The following CNTNAP2 variants were observed in gnomAD, a reference collection of about 807,000 sequenced individuals.
CNTNAP2 encodes contactin associated protein 2, also known as contactin-associated protein-like 2.
CNTNAP2 carries 98 observed loss-of-function variants against 155.2 expected under a neutral mutation model. The observed-to-expected ratio is 0.63, with a 90% CI of 0.54 to 0.75. The LOEUF (loss-of-function observed/expected upper bound fraction) is 0.75, where lower values mean the gene tolerates loss of function less well. CNTNAP2 is among the 30% of genes least tolerant of loss of function. The pLI, the probability that CNTNAP2 is intolerant of heterozygous loss-of-function variation, is 0.00. For synonymous variants in CNTNAP2, 651 were observed against 631.2 expected (o/e 1.03, Z -0.47); for missense variants, 1,727 against 1,688.1 (o/e 1.02, Z -0.40).
At chr7:148,326,489 G>A (rs1230362087) in intron 21 of CNTNAP2, among the ~76,000 whole-genome samples, 1 of 152,076 alleles carries the variant, frequency 6.6e-6, no homozygotes. Flanking sequence ...CCATGATTCT[G>A]GACCAAACTA....
In CNTNAP2 at chr7:146,750,325, G is replaced by A. The variant is rs374412949; in HGVS notation, c.98-23946G>A. On this transcript the variant is annotated intron_variant, in intron 1 of 23. Coordinates refer to ENST00000361727, the MANE Select transcript of CNTNAP2 (RefSeq NM_014141.6). ...TTGGAATTAGAGATTGAATGATCTC[G>A]GACATCTTGATAATCTCTCCTCTCT... Among the ~76,000 whole-genome samples, 9 of 152,066 alleles carry A rather than the reference G, an allele frequency of 5.9e-5. No individual in the cohort carries two copies. In the East Asian group the frequency reaches 1.4e-3, roughly 23 times the overall value.
intron 11 of CNTNAP2, among the ~76,000 whole-genome samples, chr7:147,552,258 T>C (rs980575466): frequency 2.6e-5 from 4 of 152,210 alleles, no homozygotes; most frequent in African/African-American, 9.6e-5. Context: ...TTTTCAAATT[T>C]TGAAGCTCAC....
At chr7:146,523,966 C>G (rs886283408) in intron 1 of CNTNAP2, among the ~76,000 whole-genome samples, 1 of 152,062 alleles carries the variant, frequency 6.6e-6, no homozygotes, top group African/African-American at 2.4e-5. Context: ...GATAAAAACT[C>G]TAATCTGAAA....
At chr7:147,427,534 C>T (rs10281923) in intron 10 of CNTNAP2, among the ~76,000 whole-genome samples, 37,650 of 151,964 alleles carry the variant, frequency 0.25, 5,161 homozygotes, top group African/African-American at 0.35. Flanking sequence ...AGGAGGCCCC[C>T]GTCATGGAGA....
At chr7:146,857,420 CGTTT>C (rs374099260) in intron 3 of CNTNAP2, among the ~76,000 whole-genome samples, 2 of 152,098 alleles carry the variant, frequency 1.3e-5, no homozygotes, top group East Asian at 1.9e-4. Flanking sequence ...AGCTTGTATT[CGTTT>C]GTTTGTTTTA....
intron 22 of CNTNAP2, among the ~76,000 whole-genome samples, chr7:148,403,874 T>TA (rs141865373): frequency 0.26 from 40,170 of 152,184 alleles, 5,847 homozygotes; most frequent in Non-Finnish European, 0.33. Flanking sequence ...GTGCTCACAC[T>TA]AAACAAACAA....
chr7:147,954,240 A>G (rs1040085091), intron 14 of CNTNAP2, among the ~76,000 whole-genome samples: 2 of 152,144 alleles, frequency 1.3e-5, no homozygotes, highest in African/African-American at 4.8e-5. Flanking sequence ...GGTGCCTCTC[A>G]CAGAGACCTC....
intron 15 of CNTNAP2, among the ~76,000 whole-genome samples, chr7:148,060,902 A>G (rs997814986): frequency 1.3e-5 from 2 of 152,224 alleles, no homozygotes; most frequent in Non-Finnish European, 2.9e-5. Flanking sequence ...AAGTAACAGC[A>G]AGTGAAATAA....
intron 23 of CNTNAP2, among the ~76,000 whole-genome samples, chr7:148,409,688 G>A (rs575558130): frequency 1.9e-4 from 28 of 151,164 alleles, no homozygotes; most frequent in African/African-American, 6.6e-4. Flanking sequence ...AGGCCGAGGT[G>A]GGCAGATCAC....
intron 10 of CNTNAP2, among the ~76,000 whole-genome samples, chr7:147,467,283 A>G (rs1356218073): frequency 6.6e-6 from 1 of 152,252 alleles, no homozygotes; most frequent in Non-Finnish European, 1.5e-5. Flanking sequence ...AAACAGTTCT[A>G]TATTTAAGTA....
chr7:147,338,294 C>T (rs970160815), intron 9 of CNTNAP2, among the ~76,000 whole-genome samples: 1 of 152,070 alleles, frequency 6.6e-6, no homozygotes, highest in Non-Finnish European at 1.5e-5. Context: ...CTCTATGATT[C>T]AGCTACCTTG....
chr7:147,175,960 C>T (rs1242483342), intron 8 of CNTNAP2, among the ~76,000 whole-genome samples: 1 of 152,180 alleles, frequency 6.6e-6, no homozygotes, highest in African/African-American at 2.4e-5. Context: ...ATTGGTCAAA[C>T]ATATCCTAAT....
At chr7:146,730,718 T>C (rs1694748617) in intron 1 of CNTNAP2, among the ~76,000 whole-genome samples, 3 of 152,180 alleles carry the variant, frequency 2.0e-5, no homozygotes, top group South Asian at 4.1e-4. Flanking sequence ...ATTCAGTGAA[T>C]AGAACTCCTA....
intron 13 of CNTNAP2, among the ~76,000 whole-genome samples, chr7:147,727,581 CCAT>C (rs1796665240): frequency 6.6e-6 from 1 of 151,840 alleles, no homozygotes; most frequent in African/African-American, 2.4e-5. Context: ...TTTATATATC[CCAT>C]CATATTTTAT....
chr7:147,920,355 CAAAAAAAAAAAAA>C (rs35672069), intron 14 of CNTNAP2, among the ~76,000 whole-genome samples: 1 of 86,876 alleles, frequency 1.2e-5, no homozygotes, highest in Non-Finnish European at 2.2e-5. Context: ...GACTCCGTCT[CAAAAAAAAAAAAA>C]AAAAAAAAGC....
At chr7:148,292,581 C>A (rs562924479) in intron 21 of CNTNAP2, among the ~76,000 whole-genome samples, 7 of 152,322 alleles carry the variant, frequency 4.6e-5, no homozygotes, top group African/African-American at 1.7e-4. Context: ...GGCTGAGTAT[C>A]TTAAGCCTGG....
chr7:147,931,496 A>G (rs1800503613), intron 14 of CNTNAP2, among the ~76,000 whole-genome samples: 2 of 152,192 alleles, frequency 1.3e-5, no homozygotes. Context: ...CAAGAAAAGA[A>G]TACTACAGGC....
intron 2 of CNTNAP2, among the ~76,000 whole-genome samples, chr7:146,799,035 TTCATATGAAC>T (rs1227979607): frequency 2.0e-5 from 3 of 152,178 alleles, no homozygotes; most frequent in Non-Finnish European, 4.4e-5. Flanking sequence ...ATTTTTGAGG[TTCATATGAAC>T]CACAACCACA....
chr7:146,810,747 A>G (rs1203017180), intron 2 of CNTNAP2, among the ~76,000 whole-genome samples: 1 of 152,126 alleles, frequency 6.6e-6, no homozygotes, highest in Non-Finnish European at 1.5e-5. Flanking sequence ...GCTGTTCACC[A>G]TTAAGAGTAA....
Sources: allele counts gnomAD v4.1 joint callset (sites outside exome capture counted in the v4.1 genomes callset), GRCh38; gene constraint gnomAD v4.1.1; transcripts MANE v1.5; gene names NCBI Gene and HGNC (gene_info 2026-07-23, HGNC 2026-07-21).